The following CTNNA2 variants were observed in gnomAD, a reference collection of about 807,000 sequenced individuals.
The protein encoded by CTNNA2 is catenin alpha 2.
Under a neutral mutation model 101.0 loss-of-function variants are expected in CTNNA2, and 42 were observed. The observed-to-expected ratio is 0.42, with a 90% confidence interval of 0.32 to 0.54. The LOEUF is 0.54. Among genes scored for constraint, CTNNA2 ranks in the 20% least tolerant of loss-of-function variants. CTNNA2 has a pLI of 0.14. For missense variants in CTNNA2, 871 were observed against 1,223.1 expected (o/e 0.71, Z 4.29); for synonymous variants, 450 against 456.4 (o/e 0.99, Z 0.18).
At chr2:79,641,264 G>A (rs1680431845) in intron 1 of CTNNA2, among the ~76,000 whole-genome samples, 3 of 152,184 alleles carry the variant, frequency 2.0e-5, no homozygotes, top group African/African-American at 7.2e-5. Context: ...AAGGAAGGCA[G>A]TTTGGTGGCT....
chr2:79,320,932 C>T (rs977487835), intron 3 of CTNNA2, among the ~76,000 whole-genome samples: 1 of 152,166 alleles, frequency 6.6e-6, no homozygotes, highest in Non-Finnish European at 1.5e-5. Context: ...TTAAAACACA[C>T]CAAAGACTAA....
At chr2:79,874,586 C>T (rs1010777003) in intron 6 of CTNNA2, among the ~76,000 whole-genome samples, 1 of 152,042 alleles carries the variant, frequency 6.6e-6, no homozygotes, top group African/African-American at 2.4e-5. Flanking sequence ...TTTGGGAGGC[C>T]GAGGTGGGTG....
intron 6 of CTNNA2, among the ~76,000 whole-genome samples, chr2:79,886,141 G>T (rs1402696023): frequency 6.6e-6 from 1 of 152,198 alleles, no homozygotes; most frequent in Non-Finnish European, 1.5e-5. Context: ...TATTATGTGT[G>T]CGTAAGGGGG....
At chr2:80,196,817 A>T (rs546127491) in intron 7 of CTNNA2, among the ~76,000 whole-genome samples, 1 of 152,288 alleles carries the variant, frequency 6.6e-6, no homozygotes, top group Admixed American at 6.5e-5. Context: ...AGTAAATTGG[A>T]TCATGCAGCA....
intron 1 of CTNNA2, chr2:79,523,207 GATAA>G (rs1415389380): frequency 1.6e-5 from 7 of 433,076 alleles, no homozygotes; most frequent in African/African-American, 1.4e-4. Context: ...TGTCTACAGA[GATAA>G]AATGTCTGGG....
intron 7 of CTNNA2, among the ~76,000 whole-genome samples, chr2:80,287,296 A>G: frequency 6.6e-6 from 1 of 152,222 alleles, no homozygotes; most frequent in African/African-American, 2.4e-5. Context: ...GGTACATCAG[A>G]AAGACTACCA....
At chr2:79,772,915 A>G (rs1357497928) in intron 3 of CTNNA2, among the ~76,000 whole-genome samples, 5 of 152,196 alleles carry the variant, frequency 3.3e-5, no homozygotes, top group African/African-American at 1.2e-4. Flanking sequence ...AATGTTTAAA[A>G]ACTTTAATGT....
chr2:80,052,001 G>T (rs1400840198), intron 7 of CTNNA2, among the ~76,000 whole-genome samples: 1 of 152,070 alleles, frequency 6.6e-6, no homozygotes, highest in East Asian at 1.9e-4. Flanking sequence ...AAGACAAGTG[G>T]GTGTTTTAAG....
chr2:79,505,815 G>A (rs988941264), intron 5 of CTNNA2, among the ~76,000 whole-genome samples: 4 of 152,170 alleles, frequency 2.6e-5, no homozygotes, highest in Non-Finnish European at 5.9e-5. Context: ...CATTTATCTC[G>A]AGTTGTCAGT....
At chr2:80,642,335 G>A (rs557412863) in intron 18 of CTNNA2, among the ~76,000 whole-genome samples, 21 of 152,070 alleles carry the variant, frequency 1.4e-4, no homozygotes, top group East Asian at 7.7e-4. Context: ...TTAGCATCTC[G>A]CATCCTACTA....
At chr2:80,640,010 G>C (rs576759914) in intron 18 of CTNNA2, among the ~76,000 whole-genome samples, 2 of 152,124 alleles carry the variant, frequency 1.3e-5, no homozygotes, top group African/African-American at 4.8e-5. Context: ...GCTGAGGTAG[G>C]AGAATCGCTT....
chr2:80,116,744 C>CT (rs1157472663), intron 7 of CTNNA2, among the ~76,000 whole-genome samples: 1 of 152,120 alleles, frequency 6.6e-6, no homozygotes, highest in South Asian at 2.1e-4. Flanking sequence ...AGGGAAGATG[C>CT]TACATTCATG....
chr2:80,076,976 G>A (rs939312017), intron 7 of CTNNA2, among the ~76,000 whole-genome samples: 6 of 152,030 alleles, frequency 3.9e-5, no homozygotes, highest in Admixed American at 2.6e-4. Context: ...AACCCAGGAG[G>A]TGAAGCTTGC....
intron 9 of CTNNA2, among the ~76,000 whole-genome samples, chr2:80,470,320 A>G (rs1321109465): frequency 6.6e-6 from 1 of 152,154 alleles, no homozygotes; most frequent in Non-Finnish European, 1.5e-5. Flanking sequence ...CTTATAGGGC[A>G]ACACAGGGCT....
chr2:79,665,967 C>T (rs981313728), intron 2 of CTNNA2, among the ~76,000 whole-genome samples: 1 of 152,154 alleles, frequency 6.6e-6, no homozygotes, highest in Non-Finnish European at 1.5e-5. Context: ...CTGTAGTTTT[C>T]AATGGCTTAT....
intron 18 of CTNNA2, among the ~76,000 whole-genome samples, chr2:80,622,062 T>C (rs1278498960): frequency 6.6e-6 from 1 of 151,978 alleles, no homozygotes; most frequent in East Asian, 1.9e-4. Context: ...TGTTCAGACA[T>C]GACATGTGTC....
rs114829880 is a variant in CTNNA2 at position 80,510,444 on chromosome 2, C to A, written c.1291-34538C>A. On this transcript the variant is annotated intron_variant, in intron 9 of 18. Coordinates refer to ENST00000402739, the MANE Select transcript of CTNNA2 (RefSeq NM_001282597.3). ...TCTTGCACCTTGTATTCCACCCTTG[C>A]TGACCTGCCTGTCAGATTCTAAATA... Among the ~76,000 whole-genome samples the A allele has an allele frequency of 1.4e-3, 207 of 152,290 alleles. 2 individuals are homozygous for A. Among genetic ancestry groups the A allele is most frequent in the African/African-American group, 4.6e-3 (193 of 41,550 alleles).
intron 7 of CTNNA2, among the ~76,000 whole-genome samples, chr2:80,097,145 C>T (rs916159053): frequency 1.2e-4 from 19 of 152,200 alleles, no homozygotes; most frequent in East Asian, 3.9e-4. Context: ...TGGCTGGTAC[C>T]GGTTGTTCCT....
chr2:79,893,732 G>T (rs550469944), intron 6 of CTNNA2, among the ~76,000 whole-genome samples: 46 of 152,218 alleles, frequency 3.0e-4, no homozygotes, highest in Non-Finnish European at 4.7e-4. Flanking sequence ...TATTACTTTT[G>T]CTAATGTCAA....
Sources: gnomAD v4.1 joint callset for allele counts (sites outside exome capture counted in the v4.1 genomes callset) on GRCh38, gnomAD v4.1.1 for gene constraint, MANE v1.5 for transcripts, NCBI Gene and HGNC (gene_info 2026-07-23, HGNC 2026-07-21) for gene names.